AKNA: variants seen among roughly 807,000 people sequenced by gnomAD.
The protein encoded by AKNA is AT-hook transcription factor, also known as microtubule organization protein AKNA.
A neutral mutation model predicts 138.8 loss-of-function variants in AKNA; 67 were observed. That is an observed-to-expected ratio of 0.48 (90% CI 0.40 to 0.59). The LOEUF (loss-of-function observed/expected upper bound fraction) is 0.59, where lower values mean the gene tolerates loss of function less well. AKNA is among the 20% of genes least tolerant of loss of function. AKNA has a pLI of 0.00. For synonymous variants in AKNA, 737 were observed against 754.4 expected (o/e 0.98, Z 0.38); for missense variants, 1,813 against 1,880.4 (o/e 0.96, Z 0.66).
At chr9:114,365,219 T>C (rs1383151545) in intron 6 of AKNA, among the ~76,000 whole-genome samples, 1 of 152,200 alleles carries the variant, frequency 6.6e-6, no homozygotes, top group Admixed American at 6.5e-5. Flanking sequence ...GAGAAGTAGA[T>C]TTTTCTACTA....
At chr9:114,364,184 C>T (rs1299147910) in intron 7 of AKNA, among the ~76,000 whole-genome samples, 1 of 151,926 alleles carries the variant, frequency 6.6e-6, no homozygotes, top group African/African-American at 2.4e-5. Context: ...GAAAGAGAGA[C>T]AGACCTGGCT....
downstream of AKNA, among the ~76,000 whole-genome samples, chr9:114,331,264 G>A (rs761425134): frequency 6.6e-6 from 1 of 152,086 alleles, no homozygotes; most frequent in Non-Finnish European, 1.5e-5. Flanking sequence ...ATCTGATGGA[G>A]CTGAACTGAC....
chr9:114,358,378 G>C, intron 11 of AKNA: 1 of 592,694 alleles, frequency 1.7e-6, no homozygotes, highest in Non-Finnish European at 2.8e-6. Context: ...ATAAAATATG[G>C]ATGCCAACAA....
upstream of AKNA, among the ~76,000 whole-genome samples, chr9:114,392,659 A>G (rs1834390837): frequency 6.6e-6 from 1 of 152,172 alleles, no homozygotes; most frequent in African/African-American, 2.4e-5. Flanking sequence ...ACGCCCTACA[A>G]CCTGCTCCCT....
At chr9:114,341,197 C>T (rs766336186) in intron 21 of AKNA, among the ~76,000 whole-genome samples, 2 of 152,146 alleles carry the variant, frequency 1.3e-5, no homozygotes, top group African/African-American at 2.4e-5. Flanking sequence ...CACTTACTTG[C>T]GGAGAAAACC....
At chr9:114,349,181 A>G (rs1196414522) in intron 15 of AKNA, among the ~76,000 whole-genome samples, 1 of 151,208 alleles carries the variant, frequency 6.6e-6, no homozygotes, top group African/African-American at 2.4e-5. Context: ...AGAAGGCACT[A>G]AAAAAAAAGA....
At position 114,356,125 on chromosome 9, in the gene AKNA, G is replaced by GT; in HGVS notation, c.2857dup (p.Thr953AsnfsTer75). 6.2e-7 allele frequency: 1 copy of GT among 1,613,248 alleles called. No homozygotes were observed. Among genetic ancestry groups the GT allele is most frequent in the Non-Finnish European group, 8.5e-7 (1 of 1,179,464 alleles). ...AGATGCAGCAAAGGGCTGGGCTAAT[G>GT]TTCCTGCTGTGCTGGGGGACCGTGG... On this transcript the variant is annotated frameshift_variant, in exon 14 of 22. Coordinates refer to ENST00000374088, the MANE Select transcript of AKNA (RefSeq NM_001317950.2). LOFTEE classifies it high-confidence loss of function.
Position 114,368,531 on chromosome 9 carries a change from C to A in AKNA, c.1481G>T (p.Gly494Val). 1 of 1,379,192 alleles carries A rather than the reference C, an allele frequency of 7.3e-7. No individual in the cohort carries two copies. The highest frequency in any genetic ancestry group is 9.4e-7 in the Non-Finnish European group (1 of 1,058,642). The allele number at this position is 1,379,192 out of a possible 1,614,324, so 85.4% of individuals were successfully genotyped here. The stretch of plus-strand genomic sequence containing the variant: ...GATGGTGAAGGACAAGACCTTGGTC[C>A]CCTGGGGCACCATTCCCGTGTGGAT... The part of the protein sequence containing the change: ...HSIHTGMVPQ[G>V]TKVLSFTIPQ... The change falls in exon 5 of 22, where the codon GGG becomes GTG. Residue 494 changes from glycine to valine, a missense_variant. Coordinates refer to ENST00000374088, the MANE Select transcript of AKNA (RefSeq NM_001317950.2).
chr9:114,364,914 G>A (rs1004140306), intron 6 of AKNA, among the ~76,000 whole-genome samples: 17 of 152,082 alleles, frequency 1.1e-4, no homozygotes, highest in African/African-American at 3.6e-4. Context: ...CAGTAGGGAG[G>A]GGACAAGAAA....
rs745456596 is a variant in AKNA, at chr9:114,377,028, A to G, written c.779T>C (p.Met260Thr). 3.7e-6 allele frequency: 6 copies of G among 1,613,986 alleles called. No individual in the cohort carries two copies. In the African/African-American group the frequency reaches 5.3e-5, roughly 14 times the overall value. ...TGGSVARATP[M>T]EFQDSSAPPA... The stretch of plus-strand genomic sequence containing the variant: ...GGGAGCTGAGGAGTCCTGGAATTCC[A>G]TGGGGGTTGCCCGAGCAACACTGCC... Residue 260 changes from methionine (M) to threonine (T), a missense_variant, in exon 3 of 22, where the codon ATG (methionine) becomes ACG (threonine). Physicochemically the swap from Met to Thr is moderately conservative, Grantham distance 81 (BLOSUM62 -1). Transcript: ENST00000374088.
At chr9:114,351,158 C>T in intron 14 of AKNA, 137 bp from the exon 15 acceptor site, 3 of 881,332 alleles carry the variant, frequency 3.4e-6, no homozygotes, top group Non-Finnish European at 5.2e-6. Context: ...CCTGATGAGG[C>T]CAATGACCCA....
upstream of AKNA, among the ~76,000 whole-genome samples, chr9:114,395,401 G>A (rs28719625): frequency 0.21 from 31,131 of 151,710 alleles, 3,408 homozygotes; most frequent in Middle Eastern, 0.3. Flanking sequence ...AAATCTTAGG[G>A]CACCATCCTG....
In AKNA at chr9:114,376,529, G is replaced by A; in HGVS notation, c.1278C>T (p.Ile426=). The change falls in exon 3 of 22, where the codon ATC becomes ATT. Residue 426 remains isoleucine, a synonymous_variant. Transcript: ENST00000374088. The stretch of plus-strand genomic sequence containing the variant: ...TCTGAAATTCTTGGGGTACCCTGGT[G>A]ATAGGGTGGGCAGGAGGCGTGTCCT... ...LAKDTPPAHP[I]TRVPQEFQTP... is the part of the protein sequence containing the mutation. 2 of 1,614,098 alleles carry A rather than the reference G, an allele frequency of 1.2e-6. No homozygotes were observed. Among genetic ancestry groups the A allele is most frequent in the Non-Finnish European group, 8.5e-7 (1 of 1,179,994 alleles).
At chr9:114,349,881 C>T (rs1470431985) in intron 15 of AKNA, among the ~76,000 whole-genome samples, 1 of 152,228 alleles carries the variant, frequency 6.6e-6, no homozygotes, top group East Asian at 1.9e-4. Context: ...AGATACTCTT[C>T]TATCTCTCTT....
rs759264932 is a variant in AKNA, at chr9:114,356,900, G to C, written c.2809C>G (p.Leu937Val). Residue 937 changes from leucine (L) to valine (V), a missense_variant, in exon 13 of 22, where the codon CTC becomes GTC. Transcript: ENST00000374088. ...VGSETSRVSP[L>V]TQTPEHRLSH... Reference sequence around the variant, plus strand: ...AGCCGGTGCTCTGGAGTCTGGGTGAGGGGTGAAACTCTGCTTGTTTCTGAG... The same window carrying C: ...AGCCGGTGCTCTGGAGTCTGGGTGACGGGTGAAACTCTGCTTGTTTCTGAG... 5.1e-6 allele frequency: 8 copies of C among 1,569,540 alleles called. No homozygotes were observed. The highest frequency in any genetic ancestry group is 6.9e-6 in the Non-Finnish European group (8 of 1,162,976).
chr9:114,352,209 T>C (rs1048334651), intron 14 of AKNA, among the ~76,000 whole-genome samples: 1 of 152,226 alleles, frequency 6.6e-6, no homozygotes, highest in Admixed American at 6.5e-5. Flanking sequence ...TTTTGCAAGA[T>C]AGTCTCACTG....
downstream of AKNA, chr9:114,331,529 T>C: frequency 6.5e-7 from 1 of 1,532,648 alleles, no homozygotes; most frequent in Non-Finnish European, 9.0e-7. Context: ...CATTGTGCCA[T>C]CCCATGTTCT....
downstream of AKNA, chr9:114,331,586 T>C (rs754917453): frequency 2.3e-5 from 37 of 1,613,888 alleles, no homozygotes; most frequent in East Asian, 4.5e-5. Context: ...GAGAACATGT[T>C]GCTCACCTGC....
At chr9:114,363,994 G>A (rs1013833231) in intron 7 of AKNA, among the ~76,000 whole-genome samples, 1 of 151,968 alleles carries the variant, frequency 6.6e-6, no homozygotes, top group Non-Finnish European at 1.5e-5. Flanking sequence ...TACACCAATA[G>A]GACTCTATAA....
Sources: allele counts gnomAD v4.1 joint callset (sites outside exome capture counted in the v4.1 genomes callset), GRCh38; gene constraint gnomAD v4.1.1; transcripts MANE v1.5; gene names NCBI Gene and HGNC (gene_info 2026-07-23, HGNC 2026-07-21).